AK8: variants seen among roughly 807,000 people sequenced by gnomAD.
AK8 encodes the protein ATP-AMP transphosphorylase 8.
Under a neutral mutation model 54.6 loss-of-function variants are expected in AK8, and 44 were observed. That is an observed-to-expected ratio of 0.81 (90% CI 0.63 to 1.04). The LOEUF (loss-of-function observed/expected upper bound fraction) is 1.04, where lower values mean the gene tolerates loss of function less well. Ranked by LOEUF, AK8 falls within the 50% of genes least tolerant of loss-of-function variation. The probability of loss-of-function intolerance (pLI) is 0.00; values close to 1 mark genes in which losing one functional copy is unlikely to be tolerated. For missense variants in AK8, 555 were observed against 613.6 expected, an observed-to-expected ratio of 0.90 and a Z score of 1.01; for synonymous variants, 239 against 245.6, an observed-to-expected ratio of 0.97 and a Z score of 0.25.
chr9:132,878,835 G>A (rs1400629233), upstream of AK8: 4 of 941,586 alleles, frequency 4.2e-6, no homozygotes, highest in East Asian at 4.6e-4. This position sits in a 1 kb window ranked among gnomAD's most constrained non-coding sequence, Gnocchi z 4.7. Flanking sequence ...CGATTGCTAT[G>A]GCACCGGCGG....
Position 132,790,572 on chromosome 9 carries a change from T to C in AK8, c.1121+2062A>G, listed in dbSNP as rs1839905385. 6.6e-6 allele frequency among the ~76,000 whole-genome samples: 1 copy of C among 152,142 alleles called. No individual in the cohort carries two copies. The highest frequency in any genetic ancestry group is 2.1e-4 in the South Asian group (1 of 4,826). On this transcript the variant is annotated intron_variant, in intron 11 of 12. Coordinates refer to ENST00000298545, the MANE Select transcript of AK8 (RefSeq NM_152572.3). The surrounding 1 kb of genome is among the most constrained non-coding windows in gnomAD (Gnocchi z 4.1). The stretch of plus-strand genomic sequence containing the variant: ...GCCAACTTCTTTAACTTCATACAAA[T>C]TGTATGCACTTCAAACCAAAAGCCA...
At chr9:132,732,316 T>TTATGGCATTCAGGATTGTATCTTC (rs1360181587) in intron 11 of AK8, among the ~76,000 whole-genome samples, 1 of 152,238 alleles carries the variant, frequency 6.6e-6, no homozygotes, top group Non-Finnish European at 1.5e-5. Context: ...ACATTTGGGA[T>TTATGGCATTCAGGATTGTATCTTC]TATGGCATTC....
intron 11 of AK8, among the ~76,000 whole-genome samples, chr9:132,731,423 T>C (rs969436238): frequency 9.2e-5 from 14 of 152,070 alleles, no homozygotes; most frequent in African/African-American, 2.7e-4. Flanking sequence ...GCTGTGAGTC[T>C]GAGAGGGTGG....
intron 5 of AK8, among the ~76,000 whole-genome samples, chr9:132,845,295 T>G (rs905825577): frequency 2.1e-4 from 32 of 152,366 alleles, no homozygotes; most frequent in African/African-American, 7.7e-4. Context: ...ACATATAGTG[T>G]AATGTAACTA....
At chr9:132,862,490 C>T (rs1408921853) in intron 4 of AK8, among the ~76,000 whole-genome samples, 1 of 151,790 alleles carries the variant, frequency 6.6e-6, no homozygotes, top group Non-Finnish European at 1.5e-5. Flanking sequence ...ACCATGCGCA[C>T]CTAATTTTTT....
At chr9:132,741,073 C>A (rs1837367430) in intron 11 of AK8, among the ~76,000 whole-genome samples, 1 of 152,300 alleles carries the variant, frequency 6.6e-6, no homozygotes, top group South Asian at 2.1e-4. Context: ...CCCCCATTTC[C>A]TGGGGGCACC....
chr9:132,800,956 G>C (rs1051023981), intron 10 of AK8, among the ~76,000 whole-genome samples: 1 of 135,530 alleles, frequency 7.4e-6, no homozygotes, highest in African/African-American at 2.8e-5. Flanking sequence ...GAGTAGTCTC[G>C]CTCTGTCGCC....
rs112427058 is a variant in AK8 at position 132,743,568 on chromosome 9, G to A, written c.1122-16034C>T. 2.6e-3 allele frequency among the ~76,000 whole-genome samples: 400 copies of A among 152,280 alleles called. 1 individual carries two copies. Among genetic ancestry groups the A allele is most frequent in the African/African-American group, 8.7e-3 (361 of 41,566 alleles). ...TATGTATGTACCTATCTATATAAAC[G>A]TGCTGCAGAGAAACCTGTCTTTTAA... On this transcript the variant is annotated intron_variant, in intron 11 of 12. Transcript: ENST00000298545.
At chr9:132,789,277 G>C (rs1839846202) in intron 11 of AK8, among the ~76,000 whole-genome samples, 1 of 151,414 alleles carries the variant, frequency 6.6e-6, no homozygotes, top group Non-Finnish European at 1.5e-5. Flanking sequence ...CTGGGAGACA[G>C]AGCGAGACTC....
chr9:132,761,591 G>C (rs1192898952), intron 11 of AK8, among the ~76,000 whole-genome samples: 1 of 151,964 alleles, frequency 6.6e-6, no homozygotes, highest in Admixed American at 6.6e-5. Context: ...CTATTCATAA[G>C]ATTTTTTTTC....
chr9:132,785,104 CTTTT>C (rs550073031), intron 11 of AK8, among the ~76,000 whole-genome samples: 4 of 133,254 alleles, frequency 3.0e-5, no homozygotes, highest in African/African-American at 5.5e-5. Context: ...GTGGGATACT[CTTTT>C]TTTTTTTTTT....
At chr9:132,800,516 C>T (rs1840394695) in intron 10 of AK8, among the ~76,000 whole-genome samples, 1 of 152,124 alleles carries the variant, frequency 6.6e-6, no homozygotes, top group South Asian at 2.1e-4. Context: ...AGTCAATTGC[C>T]CCAGACAAAC....
At chr9:132,744,037 G>A (rs1837521577) in intron 11 of AK8, among the ~76,000 whole-genome samples, 1 of 152,198 alleles carries the variant, frequency 6.6e-6, no homozygotes, top group Non-Finnish European at 1.5e-5. Context: ...TAGCGGGAGG[G>A]ACGGGGGTTG....
chr9:132,797,953 G>A (rs1244674586), intron 10 of AK8, among the ~76,000 whole-genome samples: 1 of 152,224 alleles, frequency 6.6e-6, no homozygotes. Flanking sequence ...GCAGTCCTGC[G>A]AAAGCTCCTC....
intron 11 of AK8, among the ~76,000 whole-genome samples, chr9:132,742,404 T>C (rs1837435830): frequency 6.6e-6 from 1 of 152,154 alleles, no homozygotes. Flanking sequence ...TCTTTTGGGC[T>C]CAAGTAATCC....
chr9:132,791,358 C>T lies in AK8; in HGVS notation c.1121+1276G>A, dbSNP rs1331004762. 6.6e-6 allele frequency among the ~76,000 whole-genome samples: 1 copy of T among 152,118 alleles called. No homozygotes were observed. Among genetic ancestry groups the T allele is most frequent in the Admixed American group, 6.5e-5 (1 of 15,268 alleles). On this transcript the variant is annotated intron_variant, in intron 11 of 12. Transcript: ENST00000298545. This position sits in a 1 kb window ranked among gnomAD's most constrained non-coding sequence, Gnocchi z 4.0. ...TCCGATCACCTCTCACCAGGTCCCTCCCTAACATGTGGGGATTATAGTTCA... is the reference window on the plus strand; with the variant it reads ...TCCGATCACCTCTCACCAGGTCCCTTCCTAACATGTGGGGATTATAGTTCA...
chr9:132,820,719 G>C (rs1841554449), intron 9 of AK8, among the ~76,000 whole-genome samples: 1 of 152,168 alleles, frequency 6.6e-6, no homozygotes. Flanking sequence ...GTGGGAGTGA[G>C]TGTGGGGGCT....
intron 10 of AK8, among the ~76,000 whole-genome samples, chr9:132,812,227 G>GGT: frequency 7.4e-6 from 1 of 135,082 alleles, no homozygotes; most frequent in Non-Finnish European, 1.6e-5. Flanking sequence ...TGCTACTGTG[G>GGT]CTTTTTTTTT....
Position 132,843,038 on chromosome 9 carries a change from C to T in AK8, c.402+11819G>A, listed in dbSNP as rs189388772. Among the ~76,000 whole-genome samples, 11 of 152,270 alleles carry T rather than the reference C, an allele frequency of 7.2e-5. No homozygotes were observed. In the East Asian group the frequency reaches 2.1e-3, roughly 29 times the overall value. ...CCTTTGCCACATTCAGCTGGTCCTG[C>T]CCCCACTCAAGGGGAGGGGATTACA... On this transcript the variant is annotated intron_variant, in intron 5 of 12. Transcript: ENST00000298545.
Sources: allele counts gnomAD v4.1 joint callset (sites outside exome capture counted in the v4.1 genomes callset), GRCh38; gene constraint gnomAD v4.1.1; non-coding constraint Gnocchi (gnomAD v3.1); transcripts MANE v1.5; gene names NCBI Gene and HGNC (gene_info 2026-07-23, HGNC 2026-07-21).